The following VCAN variants were observed in gnomAD, a reference collection of about 807,000 sequenced individuals.
VCAN encodes versican.
VCAN carries 44 observed loss-of-function variants against 245.5 expected under a neutral mutation model. That is an observed-to-expected ratio of 0.18 (90% CI 0.14 to 0.23). The LOEUF (loss-of-function observed/expected upper bound fraction) is 0.23, where lower values mean the gene tolerates loss of function less well. Among genes scored for constraint, VCAN ranks in the 10% least tolerant of loss-of-function variants. The pLI is 1.00. For missense variants in VCAN, 3,793 were observed against 4,057.9 expected (o/e 0.93, Z 1.77); for synonymous variants, 1,413 against 1,437.0 (o/e 0.98, Z 0.38).
intron 5 of VCAN, among the ~76,000 whole-genome samples, chr5:83,507,737 C>T (rs1230998949): frequency 6.6e-6 from 1 of 152,186 alleles, no homozygotes; most frequent in Non-Finnish European, 1.5e-5. Flanking sequence ...ATTACTGGCC[C>T]AGACTTCATT....
chr5:83,580,237 A>G, intron 14 of VCAN, 70 bp from the exon 15 acceptor site: 2 of 1,613,762 alleles, frequency 1.2e-6, no homozygotes, highest in Non-Finnish European at 1.7e-6. Context: ...CGGCTGTGGT[A>G]TCGGCAGTTT....
At chr5:83,565,120 G>A (rs944540750) in intron 12 of VCAN, among the ~76,000 whole-genome samples, 9 of 152,204 alleles carry the variant, frequency 5.9e-5, no homozygotes, top group African/African-American at 1.9e-4. Context: ...GAAAACATTT[G>A]TACTTTTTGC....
rs1745693661 is a variant in VCAN at position 83,512,350 on chromosome 5, A to G, written c.996A>G (p.Thr332=). 3 of 1,610,642 alleles carry G rather than the reference A, an allele frequency of 1.9e-6. No individual in the cohort carries two copies. In the East Asian group the frequency reaches 6.7e-5, roughly 36 times the overall value. Residue 332 remains threonine (T), a synonymous_variant, in exon 6 of 15, where the codon ACA becomes ACG. Coordinates refer to ENST00000265077, the MANE Select transcript of VCAN (RefSeq NM_004385.5). ...VRTLYRFENQ[T]GFPPPDSRFD... is the part of the protein sequence containing the mutation. ...CCCTGTATCGTTTTGAGAACCAGAC[A>G]GGCTTCCCTCCCCCTGATAGCAGAT... is the stretch of plus-strand genomic sequence containing the variant.
At chr5:83,572,653 C>G in intron 13 of VCAN, 93 bp downstream of exon 13, 5 of 1,493,164 alleles carry the variant, frequency 3.3e-6, no homozygotes, top group Non-Finnish European at 4.6e-6. Context: ...TTGTTTGAGA[C>G]ACAAACTGGA....
chr5:83,537,904 C>A lies in VCAN; in HGVS notation c.4901C>A (p.Ser1634Tyr), dbSNP rs765791345. ...PRQVVELSGS[S>Y]SIPITEGSGE... ...CAAGTTGTAGAGCTCTCAGGGAGTT[C>A]TTCGATTCCAATTACAGAAGGCTCT... Residue 1634 changes from serine (S) to tyrosine (Y), a missense_variant, in exon 8 of 15, where the codon TCT becomes TAT. Physicochemically the swap from Ser to Tyr is moderately radical, Grantham distance 144. Transcript: ENST00000265077. 33 of 1,613,758 alleles carry A rather than the reference C, an allele frequency of 2.0e-5. No homozygotes were observed. Among genetic ancestry groups the A allele is most frequent in the Non-Finnish European group, 2.6e-5 (31 of 1,179,950 alleles).
In VCAN at chr5:83,481,699, T is replaced by C. The variant is rs369167851; in HGVS notation, c.-6-1814T>C. Among the ~76,000 whole-genome samples, 137 of 152,284 alleles carry C rather than the reference T, an allele frequency of 9.0e-4. 1 individual carries two copies. The Middle Eastern group carries it at 0.031, about 34-fold the overall frequency. ...TGGTCTATAGATGGAAAATATAAGATGTATAATGTATTAGCTTAAAAAATG... is the reference window on the plus strand; with the variant it reads ...TGGTCTATAGATGGAAAATATAAGACGTATAATGTATTAGCTTAAAAAATG... On this transcript the variant is annotated intron_variant, in intron 1 of 14. Transcript: ENST00000265077.
chr5:83,544,805 C>T (rs1290707439), intron 8 of VCAN, among the ~76,000 whole-genome samples: 1 of 152,024 alleles, frequency 6.6e-6, no homozygotes, highest in Non-Finnish European at 1.5e-5. Flanking sequence ...TTTATGTCTT[C>T]GGCCTTCATA....
At position 83,516,082 on chromosome 5, in the gene VCAN, A is replaced by G. The variant is rs544563813; in HGVS notation, c.1043-3267A>G. ...CCCATCTCTACTAAAAATACAAAAA[A>G]TTAGCCGGGCATGGTGGCGGGCGCC... is the stretch of plus-strand genomic sequence containing the variant. On this transcript the variant is annotated intron_variant, in intron 6 of 14. Coordinates refer to ENST00000265077, the MANE Select transcript of VCAN (RefSeq NM_004385.5). 2.0e-5 allele frequency among the ~76,000 whole-genome samples: 3 copies of G among 152,286 alleles called. No individual in the cohort carries two copies. In the East Asian group the frequency reaches 5.8e-4, roughly 29 times the overall value.
At position 83,541,224 on chromosome 5, in the gene VCAN, T is replaced by A. The variant is rs774714776; in HGVS notation, c.8221T>A (p.Leu2741Met). 1 of 1,613,902 alleles carries A rather than the reference T, an allele frequency of 6.2e-7. No individual in the cohort carries two copies. The highest frequency in any genetic ancestry group is 8.5e-7 in the Non-Finnish European group (1 of 1,179,978). ...IADQSEIIPT[L>M]GQFERTQEEY... Reference sequence around the variant, plus strand: ...AGACCAAAGTGAAATAATACCAACATTGGGCCAATTTGAAAGGACTCAGGA... The same window carrying A: ...AGACCAAAGTGAAATAATACCAACAATGGGCCAATTTGAAAGGACTCAGGA... Residue 2741 changes from leucine to methionine, a missense_variant, in exon 8 of 15, where the codon TTG becomes ATG. Leu to Met is a conservative substitution (Grantham distance 15). Around this residue, in one of 5 missense-constraint regions of VCAN, gnomAD observed 3,182 missense variants for 3,250.3 expected, o/e 0.98. Coordinates refer to ENST00000265077, the MANE Select transcript of VCAN (RefSeq NM_004385.5).
chr5:83,499,692 G>A (rs1321419882), intron 5 of VCAN, among the ~76,000 whole-genome samples: 1 of 151,574 alleles, frequency 6.6e-6, no homozygotes, highest in Non-Finnish European at 1.5e-5. Flanking sequence ...TATTTTCCTT[G>A]CCTTCCACTC....
intron 2 of VCAN, among the ~76,000 whole-genome samples, chr5:83,486,024 C>T (rs887384902): frequency 3.3e-5 from 5 of 152,022 alleles, no homozygotes; most frequent in African/African-American, 1.2e-4. Context: ...ACTCCACCTA[C>T]TGGGAGGGCT....
chr5:83,548,335 G>A lies in VCAN; in HGVS notation c.9493+251G>A, dbSNP rs574835898. On this transcript the variant is annotated intron_variant, in intron 10 of 14. Coordinates refer to ENST00000265077, the MANE Select transcript of VCAN (RefSeq NM_004385.5). Reference sequence around the variant, plus strand: ...GCCAATAAAAGGAATATTATCGTATGTATTTTTCTTGGGGACAAACTAAGC... The same window carrying A: ...GCCAATAAAAGGAATATTATCGTATATATTTTTCTTGGGGACAAACTAAGC... Among the ~76,000 whole-genome samples, 3 of 152,268 alleles carry A rather than the reference G, an allele frequency of 2.0e-5. No homozygotes were observed. In the East Asian group the frequency reaches 5.8e-4, roughly 29 times the overall value.
Position 83,474,333 on chromosome 5 carries a change from A to G in VCAN, c.-7+2310A>G, listed in dbSNP as rs186570500. Reference sequence around the variant, plus strand: ...ATGGCATTCAAACAGCCAGGAACGGACCGGAAGGGTTCGTTTCGGGGTTTG... The same window carrying G: ...ATGGCATTCAAACAGCCAGGAACGGGCCGGAAGGGTTCGTTTCGGGGTTTG... On this transcript the variant is annotated intron_variant, in intron 1 of 14. Coordinates refer to ENST00000265077, the MANE Select transcript of VCAN (RefSeq NM_004385.5). 3.3e-5 allele frequency among the ~76,000 whole-genome samples: 5 copies of G among 152,202 alleles called. No homozygotes were observed. In the East Asian group the frequency reaches 9.7e-4, roughly 29 times the overall value.
intron 7 of VCAN, among the ~76,000 whole-genome samples, chr5:83,530,450 A>G (rs1437111610): frequency 6.6e-6 from 1 of 152,122 alleles, no homozygotes; most frequent in African/African-American, 2.4e-5. Flanking sequence ...AGGTCCAGAC[A>G]GTGTTCAGAA....
At chr5:83,475,962 A>G (rs563617977) in intron 1 of VCAN, among the ~76,000 whole-genome samples, 4 of 152,314 alleles carry the variant, frequency 2.6e-5, no homozygotes, top group South Asian at 4.1e-4. Flanking sequence ...AGGTTTACAG[A>G]TGTAAGTTTC....
At chr5:83,577,825 A>G (rs575537943) in intron 13 of VCAN, among the ~76,000 whole-genome samples, 45 of 152,304 alleles carry the variant, frequency 3.0e-4, no homozygotes, top group Middle Eastern at 6.8e-3. Flanking sequence ...TCTTTCAAAT[A>G]TCAAGCATAT....
intron 12 of VCAN, among the ~76,000 whole-genome samples, chr5:83,570,713 G>C (rs1748254985): frequency 6.6e-6 from 1 of 152,028 alleles, no homozygotes; most frequent in East Asian, 1.9e-4. Flanking sequence ...AGATAGCTAA[G>C]TATAGTACTT....
Position 83,491,005 on chromosome 5 carries a change from A to G in VCAN, c.445+533A>G, listed in dbSNP as rs141913703. ...AGGTATTTAATAAAAACCATGGTACATATCAGAGTCTTAAAAAGGCCAAGA... is the reference window on the plus strand; with the variant it reads ...AGGTATTTAATAAAAACCATGGTACGTATCAGAGTCTTAAAAAGGCCAAGA... On this transcript the variant is annotated intron_variant, in intron 3 of 14. Coordinates refer to ENST00000265077, the MANE Select transcript of VCAN (RefSeq NM_004385.5). Among the ~76,000 whole-genome samples the G allele has an allele frequency of 2.4e-3, 368 of 152,342 alleles. 1 individual carries two copies. The highest frequency in any genetic ancestry group is 8.6e-3 in the African/African-American group (356 of 41,584).
At position 83,580,408 on chromosome 5, in the gene VCAN, C is replaced by T. The variant is rs1186491764; in HGVS notation, c.10165C>T (p.Arg3389Trp). ...ATCCAAACATGATCATCGTTGGAGC[C>T]GGAGGTGGCAGGAGTCGAGGCGCTG... ...NTSKHDHRWS[R>W]RWQESRR Residue 3389 changes from arginine (R) to tryptophan (W), a missense_variant, in exon 15 of 15, where the codon CGG becomes TGG. Around this residue, in one of 5 missense-constraint regions of VCAN, gnomAD observed 37 missense variants for 28.2 expected, o/e 1.31. Transcript: ENST00000265077. The T allele has an allele frequency of 1.9e-6, 3 of 1,613,774 alleles. No homozygotes were observed. The highest frequency in any genetic ancestry group is 1.1e-5 in the South Asian group (1 of 91,058).
Sources: allele counts gnomAD v4.1 joint callset (sites outside exome capture counted in the v4.1 genomes callset), GRCh38; gene constraint gnomAD v4.1.1; regional missense constraint gnomAD v4.1.1; transcripts MANE v1.5; gene names NCBI Gene and HGNC (gene_info 2026-07-23, HGNC 2026-07-21).